Variants in GNAQ observed in about 807,000 individuals in gnomAD.
The protein encoded by GNAQ is guanine nucleotide-binding protein G(q) subunit alpha.
A neutral mutation model predicts 43.9 loss-of-function variants in GNAQ; 8 were observed. That is an observed-to-expected ratio of 0.18 (90% CI 0.11 to 0.33). The LOEUF (loss-of-function observed/expected upper bound fraction) is 0.33, where lower values mean the gene tolerates loss of function less well. Ranked by LOEUF, GNAQ falls within the 10% of genes least tolerant of loss-of-function variation. The probability of loss-of-function intolerance (pLI) is 1.00; values close to 1 mark genes in which losing one functional copy is unlikely to be tolerated. For missense variants in GNAQ, 158 were observed against 450.8 expected, an observed-to-expected ratio of 0.35 and a Z score of 5.88; for synonymous variants, 155 against 170.7, an observed-to-expected ratio of 0.91 and a Z score of 0.71.
At chr9:77,867,944 A>G (rs1017268763) in intron 2 of GNAQ, among the ~76,000 whole-genome samples, 1 of 152,186 alleles carries the variant, frequency 6.6e-6, no homozygotes. Context: ...AACTTATCAA[A>G]CTTGACAAAT....
At chr9:78,026,001 T>C (rs1823974859) in intron 1 of GNAQ, among the ~76,000 whole-genome samples, 2 of 152,102 alleles carry the variant, frequency 1.3e-5, no homozygotes, top group East Asian at 3.9e-4. Context: ...ATCGTAACTG[T>C]TTTTAATAGG....
At chr9:77,836,690 T>A (rs554302255) in intron 2 of GNAQ, among the ~76,000 whole-genome samples, 1 of 152,166 alleles carries the variant, frequency 6.6e-6, no homozygotes, top group African/African-American at 2.4e-5. Flanking sequence ...GAGAAAAGAA[T>A]AGTACTAAAT....
intron 5 of GNAQ, among the ~76,000 whole-genome samples, chr9:77,730,904 T>G (rs943329171): frequency 6.6e-6 from 1 of 152,152 alleles, no homozygotes; most frequent in African/African-American, 2.4e-5. Flanking sequence ...AAAAAAAAAT[T>G]TAAAGAAAGT....
At chr9:77,938,912 G>C (rs539485218) in intron 1 of GNAQ, among the ~76,000 whole-genome samples, 1 of 152,350 alleles carries the variant, frequency 6.6e-6, no homozygotes, top group East Asian at 1.9e-4. Flanking sequence ...CTGGTTGATG[G>C]AAGGTTTTAG....
chr9:77,979,453 G>T (rs949055117), intron 1 of GNAQ, among the ~76,000 whole-genome samples: 1 of 152,028 alleles, frequency 6.6e-6, no homozygotes. Context: ...TGTCCATGTT[G>T]TTCTTTTTTT....
intron 2 of GNAQ, among the ~76,000 whole-genome samples, chr9:77,872,825 AC>A (rs2118034120): frequency 6.6e-6 from 1 of 152,346 alleles, no homozygotes; most frequent in East Asian, 1.9e-4. Context: ...GCTTAAGTAC[AC>A]ATAGAAACCA....
intron 2 of GNAQ, among the ~76,000 whole-genome samples, chr9:77,856,832 G>A (rs1827763043): frequency 6.6e-6 from 1 of 152,162 alleles, no homozygotes; most frequent in Non-Finnish European, 1.5e-5. Context: ...ACCTTGCAAA[G>A]CAGTATCATG....
At chr9:77,828,926 A>C (rs1281401325) in intron 2 of GNAQ, among the ~76,000 whole-genome samples, 1 of 152,222 alleles carries the variant, frequency 6.6e-6, no homozygotes, top group Non-Finnish European at 1.5e-5. Context: ...GGCTAAAGTG[A>C]AATTAAAATA....
chr9:77,876,253 C>T (rs1288458847), intron 2 of GNAQ, among the ~76,000 whole-genome samples: 1 of 152,174 alleles, frequency 6.6e-6, no homozygotes, highest in Non-Finnish European at 1.5e-5. Context: ...CTCCTTTCCT[C>T]CTCTACTGAG....
intron 5 of GNAQ, among the ~76,000 whole-genome samples, chr9:77,753,540 C>G (rs528715368): frequency 6.6e-6 from 1 of 152,284 alleles, no homozygotes; most frequent in South Asian, 2.1e-4. Context: ...GAACGAATAA[C>G]CTTTCACAGA....
At chr9:77,906,793 AC>A (rs1374926193) in intron 2 of GNAQ, among the ~76,000 whole-genome samples, 2 of 152,162 alleles carry the variant, frequency 1.3e-5, no homozygotes, top group Non-Finnish European at 2.9e-5. Context: ...ACAACTCCAA[AC>A]CTCAATGGGG....
chr9:77,819,002 CAAAAAAAAA>C (rs10547681), intron 2 of GNAQ, among the ~76,000 whole-genome samples: 2 of 45,290 alleles, frequency 4.4e-5, no homozygotes, highest in African/African-American at 1.1e-4. Context: ...ACCATCTCTC[CAAAAAAAAA>C]AAAAAAAAAA....
intron 5 of GNAQ, among the ~76,000 whole-genome samples, chr9:77,733,031 G>A (rs1464266009): frequency 6.6e-6 from 1 of 152,146 alleles, no homozygotes; most frequent in Non-Finnish European, 1.5e-5. Flanking sequence ...TGTCAGACTC[G>A]CCTAGACCAC....
At chr9:77,844,119 G>C (rs1827536098) in intron 2 of GNAQ, among the ~76,000 whole-genome samples, 1 of 152,166 alleles carries the variant, frequency 6.6e-6, no homozygotes, top group South Asian at 2.1e-4. Flanking sequence ...CCTGGGATTT[G>C]AAACAGAACA....
At chr9:77,918,559 A>G (rs1828949712) in intron 2 of GNAQ, among the ~76,000 whole-genome samples, 1 of 152,140 alleles carries the variant, frequency 6.6e-6, no homozygotes, top group Non-Finnish European at 1.5e-5. Flanking sequence ...CAAGAAAATA[A>G]AATCCAAATT....
chr9:78,023,307 CCT>C (rs370436628), intron 1 of GNAQ, among the ~76,000 whole-genome samples: 120 of 152,242 alleles, frequency 7.9e-4, no homozygotes, highest in African/African-American at 2.8e-3. Flanking sequence ...CCCAACTTCC[CCT>C]CTCACCAGCT....
intron 2 of GNAQ, among the ~76,000 whole-genome samples, chr9:77,876,143 C>T (rs1828120277): frequency 6.6e-6 from 1 of 152,094 alleles, no homozygotes; most frequent in African/African-American, 2.4e-5. Flanking sequence ...AAAATAGCCC[C>T]TGAAGCAGAA....
chr9:77,962,849 G>A lies in GNAQ; in HGVS notation c.137-40504C>T, dbSNP rs144399568. Among the ~76,000 whole-genome samples, 832 of 136,244 alleles carry A rather than the reference G, an allele frequency of 6.1e-3. 7 individuals are homozygous for A. The highest frequency in any genetic ancestry group is 0.021 in the African/African-American group (742 of 35,646). 89.4% of individuals were successfully genotyped at this position (136,244 alleles called of 152,430 possible). ...AGAGGTTGCAGTGAGCCAAGATCACGCCATTGCACTCCAGCCTGGGCAACA... is the reference window on the plus strand; with the variant it reads ...AGAGGTTGCAGTGAGCCAAGATCACACCATTGCACTCCAGCCTGGGCAACA... On this transcript the variant is annotated intron_variant, in intron 1 of 6. Transcript: ENST00000286548.
chr9:77,909,604 C>T (rs564430417), intron 2 of GNAQ, among the ~76,000 whole-genome samples: 2 of 152,080 alleles, frequency 1.3e-5, no homozygotes, highest in Admixed American at 6.6e-5. Context: ...TACTGCTCAT[C>T]TCAGCGGGGA....
Sources: allele counts gnomAD v4.1 joint callset (sites outside exome capture counted in the v4.1 genomes callset), GRCh38; gene constraint gnomAD v4.1.1; transcripts MANE v1.5; gene names NCBI Gene and HGNC (gene_info 2026-07-23, HGNC 2026-07-21).